Variants in NAALADL2 observed in about 807,000 individuals in gnomAD.
NAALADL2 encodes the protein inactive N-acetylated-alpha-linked acidic dipeptidase-like protein 2.
Under a neutral mutation model 87.2 loss-of-function variants are expected in NAALADL2, and 76 were observed. The observed-to-expected ratio is 0.87, with a 90% CI of 0.72 to 1.05. NAALADL2 has a LOEUF of 1.05. Among genes scored for constraint, NAALADL2 ranks in the 50% least tolerant of loss-of-function variants. The pLI, the probability that NAALADL2 is intolerant of heterozygous loss-of-function variation, is 0.00. For missense variants in NAALADL2, 1,089 were observed against 945.8 expected, an observed-to-expected ratio of 1.15 and a Z score of -1.99; for synonymous variants, 354 against 331.0, an observed-to-expected ratio of 1.07 and a Z score of -0.75.
intron 2 of NAALADL2, among the ~76,000 whole-genome samples, chr3:174,577,965 C>T (rs530181204): frequency 6.6e-6 from 1 of 151,568 alleles, no homozygotes; most frequent in East Asian, 1.9e-4. Flanking sequence ...ATTTTAGAAC[C>T]AGAAAGTACA....
rs906737265 is a variant in NAALADL2 at position 174,588,725 on chromosome 3, C to T, written c.-115+38088C>T. On this transcript the variant is annotated intron_variant, in intron 2 of 3. Coordinates refer to the NAALADL2 transcript ENST00000434257. ...AGAATGGCAAATGTTGCTTCCTGAT[C>T]CTTCCTCTGGAAGCTTCGTCTCAGA... 7.2e-5 allele frequency among the ~76,000 whole-genome samples: 11 copies of T among 152,282 alleles called. No individual in the cohort carries two copies. In the South Asian group the frequency reaches 2.3e-3, roughly 32 times the overall value.
chr3:175,040,010 T>A (rs1209674963), intron 1 of NAALADL2, among the ~76,000 whole-genome samples: 1 of 152,170 alleles, frequency 6.6e-6, no homozygotes, highest in Non-Finnish European at 1.5e-5. Context: ...AAAAAAGATA[T>A]ACACATGCGC....
intron 1 of NAALADL2, among the ~76,000 whole-genome samples, chr3:175,038,372 C>T (rs1196859192): frequency 6.6e-6 from 1 of 152,074 alleles, no homozygotes; most frequent in Non-Finnish European, 1.5e-5. Context: ...TAAGACTCAC[C>T]TAAGGCATAA....
chr3:175,131,908 C>T (rs1324838312), intron 2 of NAALADL2, among the ~76,000 whole-genome samples: 21 of 99,658 alleles, frequency 2.1e-4, no homozygotes, highest in Admixed American at 2.9e-4. Flanking sequence ...GGCGGCTGGC[C>T]GGGCAGAGGG....
intron 6 of NAALADL2, among the ~76,000 whole-genome samples, chr3:175,456,701 A>G (rs1194140131): frequency 6.6e-6 from 1 of 152,094 alleles, no homozygotes; most frequent in East Asian, 1.9e-4. Flanking sequence ...TCCTACACAG[A>G]TGATGCAACC....
chr3:175,455,338 C>T (rs937572944), intron 6 of NAALADL2, among the ~76,000 whole-genome samples: 3 of 151,882 alleles, frequency 2.0e-5, no homozygotes, highest in Admixed American at 2.0e-4. Flanking sequence ...TGTGAATGAA[C>T]AAATAGAAAA....
intron 1 of NAALADL2, among the ~76,000 whole-genome samples, chr3:175,071,440 C>G (rs142309241): frequency 1.4e-4 from 22 of 152,132 alleles, no homozygotes; most frequent in Admixed American, 1.4e-3. Flanking sequence ...ATTCTTTTCT[C>G]TTTTTGTTAT....
chr3:175,213,903 C>A (rs1353019070), intron 2 of NAALADL2, among the ~76,000 whole-genome samples: 1 of 152,062 alleles, frequency 6.6e-6, no homozygotes, highest in African/African-American at 2.4e-5. Context: ...TGGGATATCC[C>A]ATTTATTTAC....
intron 2 of NAALADL2, among the ~76,000 whole-genome samples, chr3:175,120,273 G>A (rs1192108203): frequency 6.6e-6 from 1 of 151,694 alleles, no homozygotes; most frequent in Non-Finnish European, 1.5e-5. Context: ...GTGCTATGGA[G>A]TATAATGTAA....
At chr3:174,634,354 A>T (rs529799213) in intron 2 of NAALADL2, among the ~76,000 whole-genome samples, 1 of 152,138 alleles carries the variant, frequency 6.6e-6, no homozygotes, top group South Asian at 2.1e-4. Context: ...TTTAAAAATC[A>T]TCTAGTAAAT....
intron 2 of NAALADL2, among the ~76,000 whole-genome samples, chr3:174,651,209 A>G (rs1724324266): frequency 6.6e-6 from 1 of 152,156 alleles, no homozygotes; most frequent in East Asian, 1.9e-4. Context: ...TTTCTGTTGC[A>G]TTGTTATCAG....
In NAALADL2 at chr3:175,806,421, C is replaced by T. The variant is rs1048934003; in HGVS notation, c.*3218C>T. On this transcript the variant is annotated 3_prime_UTR_variant, in exon 14 of 14. Transcript: ENST00000454872. ...CAGGGCTAGGAATCTACATCTTCAG[C>T]AAGATTTCTGGATGTCTGTTACACA... The T allele has an allele frequency of 1.3e-5, 2 of 151,918 alleles. No individual in the cohort carries two copies. Among genetic ancestry groups the T allele is most frequent in the African/African-American group, 4.8e-5 (2 of 41,408 alleles). The allele number at this position is 151,918 out of a possible 1,614,324, so 9.4% of individuals were successfully genotyped here.
intron 3 of NAALADL2, among the ~76,000 whole-genome samples, chr3:175,236,565 A>G (rs12498104): frequency 0.39 from 58,242 of 147,624 alleles, 13,975 homozygotes; most frequent in Non-Finnish European, 0.53. Context: ...AAAAAAAAAA[A>G]AAGAAGAAAA....
intron 3 of NAALADL2, among the ~76,000 whole-genome samples, chr3:174,799,955 A>G (rs1718618801): frequency 1.3e-5 from 2 of 152,190 alleles, no homozygotes; most frequent in Non-Finnish European, 2.9e-5. Context: ...CCCCTGCCCT[A>G]GAGATCTGTG....
intron 1 of NAALADL2, among the ~76,000 whole-genome samples, chr3:174,969,166 G>A (rs796466222): frequency 8.5e-5 from 13 of 152,182 alleles, no homozygotes; most frequent in African/African-American, 2.9e-4. Context: ...ATCCAGTGGT[G>A]AACTTCATTT....
At chr3:174,787,622 G>A (rs1426065127) in intron 3 of NAALADL2, among the ~76,000 whole-genome samples, 527 of 14,616 alleles carry the variant, frequency 0.036, no homozygotes, top group Middle Eastern at 0.056. Flanking sequence ...TATATATATA[G>A]TAGTGACTCT....
chr3:175,215,866 T>C (rs1742440950), intron 2 of NAALADL2, among the ~76,000 whole-genome samples: 2 of 152,164 alleles, frequency 1.3e-5, no homozygotes, highest in Non-Finnish European at 2.9e-5. Context: ...AATGGATGGG[T>C]CTAGTCAGAT....
chr3:175,244,794 C>T (rs1470853007), intron 3 of NAALADL2, among the ~76,000 whole-genome samples: 1 of 152,160 alleles, frequency 6.6e-6, no homozygotes, highest in Non-Finnish European at 1.5e-5. Context: ...TCCCTGACTT[C>T]CCCTATTAAA....
At chr3:174,770,156 CTG>C (rs1253384293) in intron 3 of NAALADL2, among the ~76,000 whole-genome samples, 4 of 152,124 alleles carry the variant, frequency 2.6e-5, no homozygotes, top group Non-Finnish European at 5.9e-5. Flanking sequence ...ATGAAGAGAA[CTG>C]TACAAATAAT....
Sources: gnomAD v4.1 joint callset for allele counts (sites outside exome capture counted in the v4.1 genomes callset) on GRCh38, gnomAD v4.1.1 for gene constraint, MANE v1.5 for transcripts, NCBI Gene and HGNC (gene_info 2026-07-23, HGNC 2026-07-21) for gene names.